The following FSTL5 variants were observed in gnomAD, a reference collection of about 807,000 sequenced individuals.
The protein encoded by FSTL5 is follistatin like 5, also known as follistatin-related protein 5.
A neutral mutation model predicts 89.1 loss-of-function variants in FSTL5; 62 were observed. The observed-to-expected ratio is 0.70, with a 90% CI of 0.57 to 0.86. The LOEUF is 0.86. Among genes scored for constraint, FSTL5 ranks in the 40% least tolerant of loss-of-function variants. FSTL5 has a pLI of 0.00. For missense variants in FSTL5, 1,057 were observed against 1,001.6 expected (o/e 1.06, Z -0.75); for synonymous variants, 383 against 346.2 (o/e 1.11, Z -1.18).
At chr4:161,968,959 A>ACACACT (rs1178327186) in intron 3 of FSTL5, among the ~76,000 whole-genome samples, 2 of 106,640 alleles carry the variant, frequency 1.9e-5, no homozygotes, top group African/African-American at 6.1e-5. Context: ...ACACACACAC[A>ACACACT]CTCACATAAG....
At chr4:161,654,490 G>GA (rs1736449303) in intron 7 of FSTL5, among the ~76,000 whole-genome samples, 1 of 151,918 alleles carries the variant, frequency 6.6e-6, no homozygotes, top group African/African-American at 2.4e-5. Flanking sequence ...CAATGTTCTT[G>GA]GCATCTTAGA....
intron 4 of FSTL5, among the ~76,000 whole-genome samples, chr4:161,892,675 C>G (rs964987095): frequency 3.3e-5 from 5 of 151,944 alleles, no homozygotes; most frequent in Admixed American, 2.6e-4. Context: ...ACAGTTTAAT[C>G]TGATTTATTA....
At chr4:162,062,269 T>C (rs538237329) in intron 2 of FSTL5, among the ~76,000 whole-genome samples, 1 of 152,086 alleles carries the variant, frequency 6.6e-6, no homozygotes, top group East Asian at 1.9e-4. Flanking sequence ...GATTTCTAAA[T>C]AGCAGTTGAA....
chr4:161,997,018 A>G (rs1025133433), intron 3 of FSTL5, among the ~76,000 whole-genome samples: 5 of 152,218 alleles, frequency 3.3e-5, no homozygotes, highest in African/African-American at 1.2e-4. Context: ...GTCAAAACAT[A>G]TGCTAATTAG....
chr4:161,588,373 T>C (rs922699428), intron 7 of FSTL5, among the ~76,000 whole-genome samples: 2 of 152,074 alleles, frequency 1.3e-5, no homozygotes, highest in African/African-American at 4.8e-5. Flanking sequence ...AGTGATAACA[T>C]TTATAGCCAT....
chr4:161,885,776 C>T (rs749765878), intron 4 of FSTL5, among the ~76,000 whole-genome samples: 3 of 152,060 alleles, frequency 2.0e-5, no homozygotes, highest in Non-Finnish European at 4.4e-5. Context: ...TTTTTCTTTG[C>T]TTCTTTCCTT....
At chr4:162,071,027 A>C (rs1025669133) in intron 2 of FSTL5, among the ~76,000 whole-genome samples, 1 of 151,822 alleles carries the variant, frequency 6.6e-6, no homozygotes, top group South Asian at 2.1e-4. Context: ...TCTGATAACT[A>C]TAGAAATCCA....
At chr4:161,474,433 A>T (rs554129891) in intron 13 of FSTL5, among the ~76,000 whole-genome samples, 62 of 152,304 alleles carry the variant, frequency 4.1e-4, no homozygotes, top group African/African-American at 1.4e-3. Flanking sequence ...TAAGAAACAA[A>T]AAGTGTAGTT....
At chr4:161,461,618 A>G (rs965829899) in intron 13 of FSTL5, among the ~76,000 whole-genome samples, 1 of 152,144 alleles carries the variant, frequency 6.6e-6, no homozygotes, top group African/African-American at 2.4e-5. Flanking sequence ...AGGTAATTAA[A>G]TAGCTTTATT....
At chr4:161,662,295 G>A (rs1579003289) in intron 6 of FSTL5, among the ~76,000 whole-genome samples, 2 of 151,814 alleles carry the variant, frequency 1.3e-5, no homozygotes, top group African/African-American at 4.8e-5. Context: ...CTATGATATG[G>A]CCCACCAAAA....
chr4:161,588,858 C>T (rs1248580168), intron 7 of FSTL5, among the ~76,000 whole-genome samples: 2 of 152,024 alleles, frequency 1.3e-5, no homozygotes, highest in Non-Finnish European at 2.9e-5. Flanking sequence ...TGAAGCTCCT[C>T]CAAGACCTTA....
chr4:161,894,108 A>G (rs1027428168), intron 4 of FSTL5, among the ~76,000 whole-genome samples: 1 of 152,212 alleles, frequency 6.6e-6, no homozygotes, highest in African/African-American at 2.4e-5. Context: ...AATGAGTATT[A>G]TCAATTTATC....
At chr4:162,091,747 C>T (rs1730557759) in intron 2 of FSTL5, among the ~76,000 whole-genome samples, 1 of 151,886 alleles carries the variant, frequency 6.6e-6, no homozygotes, top group Admixed American at 6.6e-5. Context: ...TATTGTTGCG[C>T]TATTATTTTC....
At chr4:161,686,222 G>A (rs763816210) in intron 6 of FSTL5, among the ~76,000 whole-genome samples, 2 of 141,856 alleles carry the variant, frequency 1.4e-5, no homozygotes, top group Non-Finnish European at 3.0e-5. Flanking sequence ...TTCTTTTTTG[G>A]TTATGTCTTC....
chr4:161,547,287 C>T (rs903440976), intron 8 of FSTL5, among the ~76,000 whole-genome samples: 3 of 152,004 alleles, frequency 2.0e-5, no homozygotes, highest in African/African-American at 4.8e-5. Flanking sequence ...CCTAGCTAAG[C>T]TGTTCTCAAA....
At chr4:161,616,570 T>A (rs1482043133) in intron 7 of FSTL5, among the ~76,000 whole-genome samples, 7 of 152,158 alleles carry the variant, frequency 4.6e-5, no homozygotes, top group Non-Finnish European at 1.0e-4. Context: ...GGACTTCACC[T>A]TGTGATTGTG....
At chr4:161,661,444 T>C (rs1736707475) in intron 6 of FSTL5, among the ~76,000 whole-genome samples, 1 of 152,034 alleles carries the variant, frequency 6.6e-6, no homozygotes, top group African/African-American at 2.4e-5. Flanking sequence ...AATTGCTAAT[T>C]AAATGCAGAT....
chr4:161,995,804 CT>C (rs1470898916), intron 3 of FSTL5, among the ~76,000 whole-genome samples: 1 of 145,728 alleles, frequency 6.9e-6, no homozygotes, highest in Non-Finnish European at 1.5e-5. Flanking sequence ...TTTATATTCT[CT>C]TCAGTGTCTA....
chr4:161,778,993 G>A (rs1741522391), intron 4 of FSTL5, among the ~76,000 whole-genome samples: 1 of 152,234 alleles, frequency 6.6e-6, no homozygotes, highest in Non-Finnish European at 1.5e-5. Context: ...GCCAGTGGAA[G>A]CCATGTGGAA....
Sources: gnomAD v4.1 joint callset for allele counts (sites outside exome capture counted in the v4.1 genomes callset) on GRCh38, gnomAD v4.1.1 for gene constraint, MANE v1.5 for transcripts, NCBI Gene and HGNC (gene_info 2026-07-23, HGNC 2026-07-21) for gene names.